The following CEP41 variants were observed in gnomAD, a reference collection of about 807,000 sequenced individuals.
The protein encoded by CEP41 is centrosomal protein 41.
In CEP41, 32 loss-of-function variants were observed where a neutral mutation model predicts 44.3. The observed-to-expected ratio is 0.72, with a 90% CI of 0.54 to 0.97. The LOEUF is 0.97. CEP41 is among the 50% of genes least tolerant of loss of function. The pLI is 0.00. For synonymous variants in CEP41, 151 were observed against 168.5 expected, an observed-to-expected ratio of 0.90 and a Z score of 0.80; for missense variants, 432 against 455.2, an observed-to-expected ratio of 0.95 and a Z score of 0.46.
At position 130,411,297 on chromosome 7, in the gene CEP41, G is replaced by A. The variant is rs1024060005; in HGVS notation, c.208-106C>T. The A allele has an allele frequency of 9.1e-5, 83 of 911,636 alleles. No homozygotes were observed. In the Middle Eastern group the frequency reaches 2.1e-3, roughly 23 times the overall value. The allele number at this position is 911,636 out of a possible 1,614,324, so 56.5% of individuals were successfully genotyped here. A position where few individuals can be genotyped will look rare whatever the true frequency, so the allele number is the denominator to read the frequency against. The stretch of plus-strand genomic sequence containing the variant: ...GAACAACAAACATCAAAGATCTGTT[G>A]TTTTAAGAAGCTGTCAGTGTCCTCA... On this transcript the variant is annotated intron_variant, in intron 4 of 10. Coordinates refer to ENST00000223208, the MANE Select transcript of CEP41 (RefSeq NM_018718.3).
chr7:130,401,857 T>G (rs782070472), intron 8 of CEP41, 24 bp downstream of exon 8: 13 of 1,491,642 alleles, frequency 8.7e-6, no homozygotes, highest in Non-Finnish European at 1.1e-5. Context: ...ACCACCCAAT[T>G]CCTTAAAATG....
chr7:130,427,949 A>T lies in CEP41; in HGVS notation c.97+6T>A. 1 of 1,585,268 alleles carries T rather than the reference A, an allele frequency of 6.3e-7. No homozygotes were observed. The highest frequency in any genetic ancestry group is 1.3e-5 in the African/African-American group (1 of 74,426). ...TTTTAATTCTAATTTTCTAATCTTTACTCACCAGTGTCCAGTCTTGATTTG... is the reference window on the plus strand; with the variant it reads ...TTTTAATTCTAATTTTCTAATCTTTTCTCACCAGTGTCCAGTCTTGATTTG... On this transcript the variant is annotated splice_donor_region_variant and intron_variant, in intron 2 of 10. Transcript: ENST00000223208.
intron 1 of CEP41, among the ~76,000 whole-genome samples, chr7:130,429,042 T>G (rs1164755985): frequency 6.6e-6 from 1 of 152,228 alleles, no homozygotes; most frequent in East Asian, 1.9e-4. Context: ...TCAAGAAATC[T>G]GTTAAGATGA....
intron 1 of CEP41, among the ~76,000 whole-genome samples, chr7:130,429,169 T>C (rs782763285): frequency 6.6e-6 from 1 of 152,146 alleles, no homozygotes; most frequent in Non-Finnish European, 1.5e-5. Context: ...GATCCAGCCC[T>C]AAGCACAGTG....
intron 2 of CEP41, among the ~76,000 whole-genome samples, chr7:130,427,436 T>C (rs981614820): frequency 1.3e-5 from 2 of 152,322 alleles, no homozygotes; most frequent in Admixed American, 1.3e-4. Context: ...GGTATTTCAG[T>C]TACTCATTCA....
chr7:130,406,827 G>A (rs1454673638), intron 5 of CEP41, among the ~76,000 whole-genome samples: 1 of 151,612 alleles, frequency 6.6e-6, no homozygotes, highest in East Asian at 1.9e-4. Flanking sequence ...TCTCCGGTGG[G>A]GGGACGGGGG....
At chr7:130,422,679 A>G (rs1554422454) in intron 2 of CEP41, among the ~76,000 whole-genome samples, 2 of 152,192 alleles carry the variant, frequency 1.3e-5, no homozygotes, top group Non-Finnish European at 2.9e-5. Flanking sequence ...AACAACAAAA[A>G]AAATCGAACA....
rs923850763 is a variant in CEP41 at position 130,440,714 on chromosome 7, T to C, written c.33+220A>G. On this transcript the variant is annotated intron_variant, in intron 1 of 10. Transcript: ENST00000223208. ...CTCCTCGCAGTCACAAGTACTGGCG[T>C]GCGTACGCGGGGAGAGATCGCTCCT... The C allele has an allele frequency of 3.4e-5, 21 of 616,894 alleles. No homozygotes were observed. The East Asian group carries it at 5.4e-4, about 16-fold the overall frequency. The allele number at this position is 616,894 out of a possible 1,614,324, so 38.2% of individuals were successfully genotyped here. A position where few individuals can be genotyped will look rare whatever the true frequency, so the allele number is the denominator to read the frequency against.
At chr7:130,428,843 G>A (rs927970682) in intron 1 of CEP41, among the ~76,000 whole-genome samples, 3 of 151,544 alleles carry the variant, frequency 2.0e-5, no homozygotes, top group Admixed American at 6.6e-5. Context: ...CCCAGGAGGC[G>A]GAGGTTGCGG....
At chr7:130,407,106 A>C (rs996201949) in intron 5 of CEP41, among the ~76,000 whole-genome samples, 6 of 152,110 alleles carry the variant, frequency 3.9e-5, no homozygotes, top group Admixed American at 6.6e-5. Context: ...AGAAGACCTC[A>C]ATGAAGAGAG....
intron 2 of CEP41, chr7:130,419,161 G>A: frequency 1.0e-6 from 1 of 985,432 alleles, no homozygotes. Flanking sequence ...AGAAGGCTGA[G>A]AAACAAGTTT....
rs782200325 is a variant in CEP41 at position 130,394,131 on chromosome 7, G to A, written c.*4760C>T. 2.2e-6 allele frequency: 1 copy of A among 454,126 alleles called. No homozygotes were observed. The highest frequency in any genetic ancestry group is 1.6e-5 in the South Asian group (1 of 64,474). The allele number at this position is 454,126 out of a possible 1,614,324, so 28.1% of individuals were successfully genotyped here. ...AAAGGTACATTTTCACGGTAAGTTA[G>A]AGGCATCACCAAAGGAGAACATGGT... On this transcript the variant is annotated 3_prime_UTR_variant, in exon 11 of 11. Transcript: ENST00000223208.
intron 1 of CEP41, among the ~76,000 whole-genome samples, chr7:130,436,643 ATTTT>A (rs71527964): frequency 8.7e-6 from 1 of 114,556 alleles, no homozygotes; most frequent in Non-Finnish European, 1.9e-5. Context: ...TCTTTGTACT[ATTTT>A]TTTTTTTTTT....
chr7:130,420,956 A>G, intron 2 of CEP41: 1 of 983,180 alleles, frequency 1.0e-6, no homozygotes, highest in Non-Finnish European at 1.2e-6. Flanking sequence ...TATATACAGT[A>G]TATGTTATGT....
chr7:130,419,970 C>T lies in CEP41; in HGVS notation c.98-3004G>A, dbSNP rs947648861. The stretch of plus-strand genomic sequence containing the variant: ...GCACGTACACACACACACACACACA[C>T]ACGTATGAATAATCTTTATCCCTTC... On this transcript the variant is annotated intron_variant, in intron 2 of 10. Transcript: ENST00000223208. The T allele has an allele frequency of 2.3e-5, 23 of 985,236 alleles. No homozygotes were observed. The Admixed American group carries it at 3.7e-4, about 16-fold the overall frequency. 61.0% of individuals were successfully genotyped at this position (985,236 alleles called of 1,614,324 possible).
intron 6 of CEP41, among the ~76,000 whole-genome samples, chr7:130,404,157 A>G (rs1796936210): frequency 1.3e-5 from 2 of 152,146 alleles, no homozygotes; most frequent in Admixed American, 1.3e-4. Flanking sequence ...CTTTGCACCT[A>G]CTCAGTATCA....
chr7:130,397,315 G>A lies in CEP41; in HGVS notation c.*1576C>T, dbSNP rs1321210846. ...GGGCATGGCTTGACATCTGAACAAT[G>A]TCCCTGGTTTGTTTGATTTCTAAAG... On this transcript the variant is annotated 3_prime_UTR_variant, in exon 11 of 11. Transcript: ENST00000223208. 6 of 454,314 alleles carry A rather than the reference G, an allele frequency of 1.3e-5. No homozygotes were observed. Among genetic ancestry groups the A allele is most frequent in the Non-Finnish European group, 2.2e-5 (5 of 226,786 alleles). 28.1% of individuals were successfully genotyped at this position (454,314 alleles called of 1,614,324 possible).
intron 1 of CEP41, among the ~76,000 whole-genome samples, chr7:130,430,706 T>C (rs1554424895): frequency 6.6e-6 from 1 of 152,136 alleles, no homozygotes; most frequent in East Asian, 1.9e-4. Flanking sequence ...GTAACGCTAA[T>C]ACTACATTGC....
At chr7:130,422,142 A>G (rs1265120408) in intron 2 of CEP41, 5 of 1,009,242 alleles carry the variant, frequency 5.0e-6, no homozygotes, top group Non-Finnish European at 7.0e-6. Context: ...ACCAGGAGGA[A>G]GATAGCAGTC....
Sources: gnomAD v4.1 joint callset for allele counts (sites outside exome capture counted in the v4.1 genomes callset) on GRCh38, gnomAD v4.1.1 for gene constraint, MANE v1.5 for transcripts, NCBI Gene and HGNC (gene_info 2026-07-23, HGNC 2026-07-21) for gene names.